The following RYR2 variants were observed in gnomAD, a reference collection of about 807,000 sequenced individuals.
The protein encoded by RYR2 is cardiac muscle ryanodine receptor-calcium release channel.
A neutral mutation model predicts 601.1 loss-of-function variants in RYR2; 227 were observed. The ratio of observed to expected loss-of-function variants is 0.38; its 90% CI spans 0.34 to 0.42. RYR2 has a LOEUF of 0.42. Ranked by LOEUF, RYR2 falls within the 10% of genes least tolerant of loss-of-function variation. The pLI, the probability that RYR2 is intolerant of heterozygous loss-of-function variation, is 1.00. For missense variants in RYR2, 4,646 were observed against 6,156.5 expected, an observed-to-expected ratio of 0.75 and a Z score of 8.21; for synonymous variants, 2,223 against 2,175.1, an observed-to-expected ratio of 1.02 and a Z score of -0.61.
At chr1:237,545,416 T>G (rs919493016) in intron 25 of RYR2, among the ~76,000 whole-genome samples, 1 of 152,228 alleles carries the variant, frequency 6.6e-6, no homozygotes, top group Non-Finnish European at 1.5e-5. Flanking sequence ...TCTTTGGGAA[T>G]GCATGTATCC....
At chr1:237,347,954 T>TA (rs1160071327) in intron 3 of RYR2, among the ~76,000 whole-genome samples, 1 of 152,220 alleles carries the variant, frequency 6.6e-6, no homozygotes, top group African/African-American at 2.4e-5. Context: ...TAACATTTTT[T>TA]ATACCACTTT....
At chr1:237,815,603 C>T (rs1661736263) in intron 100 of RYR2, among the ~76,000 whole-genome samples, 1 of 152,152 alleles carries the variant, frequency 6.6e-6, no homozygotes, top group African/African-American at 2.4e-5. Flanking sequence ...CATCACAATG[C>T]ATAAAGCTGA....
chr1:237,467,107 T>G (rs1572454138), intron 16 of RYR2, among the ~76,000 whole-genome samples: 1 of 148,884 alleles, frequency 6.7e-6, no homozygotes, highest in Non-Finnish European at 1.5e-5. Context: ...ATATATCATA[T>G]ATATAATTTT....
In RYR2 at chr1:237,441,293, A is replaced by C. The variant is rs752279410; in HGVS notation, c.1006-26A>C. On this transcript the variant is annotated intron_variant, in intron 12 of 104. Transcript: ENST00000366574. ...ACTAGTATTTTTGAAATGTTTACTG[A>C]CCTTTTTTTCCTCCTCTCCCCTTAG... 2.9e-5 allele frequency: 46 copies of C among 1,612,946 alleles called. No individual in the cohort carries two copies. In the East Asian group the frequency reaches 9.6e-4, roughly 34 times the overall value.
intron 7 of RYR2, among the ~76,000 whole-genome samples, chr1:237,375,209 T>G (rs1333615368): frequency 6.6e-6 from 1 of 152,242 alleles, no homozygotes; most frequent in African/African-American, 2.4e-5. Context: ...GTCTCCTTAA[T>G]TTCTCTGCCC....
In RYR2 at chr1:237,250,011, A is replaced by G. The variant is rs1029074827; in HGVS notation, c.49-20486A>G. On this transcript the variant is annotated intron_variant, in intron 1 of 104. Transcript: ENST00000366574. ...CTCTTCGATTTACAGAGTGGTTTACACTTTGATCCTGTAGAAATGCATTTT... is the reference window on the plus strand; with the variant it reads ...CTCTTCGATTTACAGAGTGGTTTACGCTTTGATCCTGTAGAAATGCATTTT... 5.9e-5 allele frequency among the ~76,000 whole-genome samples: 9 copies of G among 152,332 alleles called. No homozygotes were observed. In the East Asian group the frequency reaches 1.7e-3, roughly 29 times the overall value.
rs182418330 is a variant in RYR2, at chr1:237,737,430, G to A, written c.11091+3674G>A. Among the ~76,000 whole-genome samples the A allele has an allele frequency of 6.6e-5, 10 of 152,282 alleles. No individual in the cohort carries two copies. In the East Asian group the frequency reaches 1.3e-3, roughly 21 times the overall value. On this transcript the variant is annotated intron_variant, in intron 79 of 104. Coordinates refer to ENST00000366574, the MANE Select transcript of RYR2 (RefSeq NM_001035.3). ...GTATTCCAGTTACGACCTCACCTGC[G>A]TAGTGTGTATGGGAACTGTACCCTC...
chr1:237,692,716 A>G (rs774542495), intron 63 of RYR2, among the ~76,000 whole-genome samples: 10 of 151,974 alleles, frequency 6.6e-5, no homozygotes, highest in Non-Finnish European at 1.3e-4. Context: ...AATCCTTCAC[A>G]CTCATAACAA....
chr1:237,075,114 A>G (rs1227854158), intron 1 of RYR2, among the ~76,000 whole-genome samples: 1 of 152,178 alleles, frequency 6.6e-6, no homozygotes, highest in Non-Finnish European at 1.5e-5. Context: ...GCGTGAATTT[A>G]AAATCTGAGC....
At chr1:237,406,152 C>CCCCGT (rs1703849136) in intron 10 of RYR2, among the ~76,000 whole-genome samples, 1 of 55,344 alleles carries the variant, frequency 1.8e-5, no homozygotes, top group Non-Finnish European at 3.5e-5. Context: ...CCCCTCCCCT[C>CCCCGT]CCCTTCCCTT....
chr1:237,756,740 A>G (rs1445486195), intron 81 of RYR2, among the ~76,000 whole-genome samples: 1 of 152,186 alleles, frequency 6.6e-6, no homozygotes, highest in African/African-American at 2.4e-5. Context: ...GCAACCTGTC[A>G]CAGCTCTTCA....
Position 237,388,105 on chromosome 1 carries a change from A to G in RYR2, c.695A>G (p.Asp232Gly). Residue 232 changes from aspartate to glycine, a missense_variant, in exon 10 of 105, where the codon GAT becomes GGT. Asp to Gly is a moderately conservative substitution (Grantham distance 94). This residue lies in a region of RYR2 where 87 missense variants were observed against 144.7 expected (regional missense o/e 0.60). Coordinates refer to ENST00000366574, the MANE Select transcript of RYR2 (RefSeq NM_001035.3). ...CTTACAGGGTATCTCATTGGTGGTG[A>G]TGTCCTCAGGTTGCTGCATGGACAC... ...EAAQGYLIGG[D>G]VLRLLHGHMD... The G allele has an allele frequency of 6.2e-7, 1 of 1,613,866 alleles. No individual in the cohort carries two copies. Among genetic ancestry groups the G allele is most frequent in the Non-Finnish European group, 8.5e-7 (1 of 1,179,864 alleles).
In RYR2 at chr1:237,388,115, G is replaced by GTTGC; in HGVS notation, c.707_710dup (p.His238AlafsTer18). On this transcript the variant is annotated frameshift_variant, in exon 10 of 105. Coordinates refer to ENST00000366574, the MANE Select transcript of RYR2 (RefSeq NM_001035.3). LOFTEE classifies it high-confidence loss of function. ...ATCTCATTGGTGGTGATGTCCTCAGGTTGCTGCATGGACACATGGACGAGT... is the reference window on the plus strand; with the variant it reads ...ATCTCATTGGTGGTGATGTCCTCAGGTTGCTTGCTGCATGGACACATGGACGAGT... 1 of 1,613,914 alleles carries GTTGC rather than the reference G, an allele frequency of 6.2e-7. No individual in the cohort carries two copies. The highest frequency in any genetic ancestry group is 8.5e-7 in the Non-Finnish European group (1 of 1,179,884).
rs1388061300 is a variant in RYR2, at chr1:237,698,101, TG to T, written c.9068-863del. On this transcript the variant is annotated intron_variant, in intron 63 of 104. Transcript: ENST00000366574. ...GTTGTCAATCTCAGGACCCAGGAGA[TG>T]ATAGTGTGTGTGTGTGTGTGTGTGT... is the stretch of plus-strand genomic sequence containing the variant. 5.2e-5 allele frequency among the ~76,000 whole-genome samples: 6 copies of T among 115,910 alleles called. No individual in the cohort carries two copies. In the Admixed American group the frequency reaches 5.6e-4, roughly 11 times the overall value. The allele number at this position is 115,910 out of a possible 152,430, so 76.0% of individuals were successfully genotyped here.
chr1:237,494,578 A>C (rs1663822404), intron 19 of RYR2, among the ~76,000 whole-genome samples: 1 of 152,150 alleles, frequency 6.6e-6, no homozygotes, highest in Non-Finnish European at 1.5e-5. Flanking sequence ...AATACTTTGC[A>C]TCCTTCAATC....
intron 4 of RYR2, among the ~76,000 whole-genome samples, chr1:237,356,207 T>G (rs932010933): frequency 7.9e-5 from 12 of 152,138 alleles, no homozygotes; most frequent in African/African-American, 2.9e-4. Context: ...TTTCCATCCC[T>G]AGAACCACAT....
chr1:237,368,972 C>T (rs1572012021), intron 5 of RYR2, among the ~76,000 whole-genome samples: 1 of 151,984 alleles, frequency 6.6e-6, no homozygotes, highest in East Asian at 1.9e-4. Flanking sequence ...TACAGGCAGG[C>T]ATCACCACGC....
intron 51 of RYR2, 65 bp from the exon 52 acceptor site, chr1:237,654,209 G>T: frequency 1.3e-6 from 2 of 1,554,312 alleles, no homozygotes; most frequent in Non-Finnish European, 1.7e-6. Flanking sequence ...GATATGAGGA[G>T]AAATGAAAAA....
At chr1:237,555,101 C>T (rs897419950) in intron 27 of RYR2, 4 of 152,010 alleles carry the variant, frequency 2.6e-5, no homozygotes, top group Admixed American at 6.6e-5. Flanking sequence ...CTATGGAGAA[C>T]GTTAATGTTC....
Sources: gnomAD v4.1 joint callset for allele counts (sites outside exome capture counted in the v4.1 genomes callset) on GRCh38, gnomAD v4.1.1 for gene constraint, gnomAD v4.1.1 regional missense constraint, MANE v1.5 for transcripts, NCBI Gene and HGNC (gene_info 2026-07-23, HGNC 2026-07-21) for gene names.